PTPRD: variants seen among roughly 807,000 people sequenced by gnomAD.
The protein encoded by PTPRD is receptor-type tyrosine-protein phosphatase delta.
PTPRD carries 34 observed loss-of-function variants against 214.5 expected under a neutral mutation model. That is an observed-to-expected ratio of 0.16 (90% CI 0.12 to 0.21). PTPRD has a LOEUF of 0.21. Ranked by LOEUF, PTPRD falls within the 10% of genes least tolerant of loss-of-function variation. The probability of loss-of-function intolerance (pLI) is 1.00; values close to 1 mark genes in which losing one functional copy is unlikely to be tolerated. For synonymous variants in PTPRD, 1,128 were observed against 845.7 expected (o/e 1.33, Z -5.79); for missense variants, 2,545 against 2,398.7 (o/e 1.06, Z -1.27).
intron 11 of PTPRD, among the ~76,000 whole-genome samples, chr9:8,914,595 T>C (rs1483351202): frequency 6.6e-6 from 1 of 152,146 alleles, no homozygotes; most frequent in Non-Finnish European, 1.5e-5. Context: ...TATAACAGTT[T>C]GAACATATTT....
At chr9:10,073,597 GT>G (rs1219541337) in intron 3 of PTPRD, among the ~76,000 whole-genome samples, 4 of 152,134 alleles carry the variant, frequency 2.6e-5, no homozygotes, top group African/African-American at 9.7e-5. Context: ...AAAGATGGCA[GT>G]TGGAAGATGG....
intron 11 of PTPRD, among the ~76,000 whole-genome samples, chr9:8,780,715 C>A (rs1172135892): frequency 6.6e-6 from 1 of 152,184 alleles, no homozygotes; most frequent in Non-Finnish European, 1.5e-5. Flanking sequence ...TCATGCATGA[C>A]CTTCAAGGCC....
rs569080079 is a variant in PTPRD at position 8,316,260 on chromosome 9, G to C, written c.*1614C>G. 2 of 230,042 alleles carry C rather than the reference G, an allele frequency of 8.7e-6. No individual in the cohort carries two copies. Among genetic ancestry groups the C allele is most frequent in the South Asian group, 1.8e-4 (1 of 5,502 alleles). 14.3% of individuals were successfully genotyped at this position (230,042 alleles called of 1,614,324 possible). On this transcript the variant is annotated 3_prime_UTR_variant, in exon 46 of 46. Transcript: ENST00000381196. ...GTGGTAAACAGATAATGCTTTAATAGAAAGTAACAGATACGAACAGTGAAT... is the reference window on the plus strand; with the variant it reads ...GTGGTAAACAGATAATGCTTTAATACAAAGTAACAGATACGAACAGTGAAT...
intron 2 of PTPRD, among the ~76,000 whole-genome samples, chr9:10,507,464 G>C (rs1785212962): frequency 6.6e-6 from 1 of 151,946 alleles, no homozygotes; most frequent in East Asian, 1.9e-4. Context: ...AGATCATATG[G>C]AACCAAAAAA....
At chr9:9,067,488 A>T (rs2099736600) in intron 10 of PTPRD, among the ~76,000 whole-genome samples, 2 of 152,136 alleles carry the variant, frequency 1.3e-5, no homozygotes, top group Admixed American at 1.3e-4. Flanking sequence ...TGTGAGCTCT[A>T]TTCAAGTGTA....
chr9:8,446,344 T>G (rs1206580538), intron 34 of PTPRD, among the ~76,000 whole-genome samples: 1 of 152,258 alleles, frequency 6.6e-6, no homozygotes, highest in Admixed American at 6.5e-5. Context: ...ACTTAGAATG[T>G]AAATCAATCT....
chr9:9,806,875 G>T (rs1010597614), intron 5 of PTPRD, among the ~76,000 whole-genome samples: 1 of 152,124 alleles, frequency 6.6e-6, no homozygotes, highest in Non-Finnish European at 1.5e-5. Flanking sequence ...GAGCATGCAT[G>T]TAACTTCAGT....
At chr9:8,447,655 C>A (rs76453066) in intron 34 of PTPRD, among the ~76,000 whole-genome samples, 3,096 of 152,214 alleles carry the variant, frequency 0.02, 100 homozygotes, top group African/African-American at 0.071. Flanking sequence ...TGTTTATTCC[C>A]GGAAACATTT....
At chr9:8,812,069 A>G (rs1414290124) in intron 11 of PTPRD, among the ~76,000 whole-genome samples, 2 of 152,202 alleles carry the variant, frequency 1.3e-5, no homozygotes, top group African/African-American at 4.8e-5. Context: ...ATAGCAGAGG[A>G]GCAGGCTGCA....
In PTPRD at chr9:9,222,686, A is replaced by T. The variant is rs116321583; in HGVS notation, c.-202-39323T>A. 7.0e-3 allele frequency among the ~76,000 whole-genome samples: 1,058 copies of T among 152,150 alleles called. 11 individuals carry two copies. The highest frequency in any genetic ancestry group is 0.024 in the African/African-American group (978 of 41,546). On this transcript the variant is annotated intron_variant, in intron 9 of 45. Transcript: ENST00000381196. The stretch of plus-strand genomic sequence containing the variant: ...TTTGCCAATGAGAAACAACAGATAC[A>T]CCCTATTATCAGTCTTCAAACTATT...
At chr9:9,668,130 G>A (rs1318774517) in intron 7 of PTPRD, among the ~76,000 whole-genome samples, 2 of 152,066 alleles carry the variant, frequency 1.3e-5, no homozygotes, top group Admixed American at 6.6e-5. Flanking sequence ...CGTATCATCT[G>A]AATAAGAAGC....
In PTPRD at chr9:9,582,091, A is replaced by G. The variant is rs545273099; in HGVS notation, c.-286-7310T>C. ...CAAAATCTAGCTTGAGAAGTTTTAT[A>G]TAAGTTTGAGTGGGTTTAACACTAT... On this transcript the variant is annotated intron_variant, in intron 7 of 45. Coordinates refer to ENST00000381196, the MANE Select transcript of PTPRD (RefSeq NM_002839.4). 3.9e-5 allele frequency among the ~76,000 whole-genome samples: 6 copies of G among 152,246 alleles called. No homozygotes were observed. In the South Asian group the frequency reaches 1.0e-3, roughly 26 times the overall value.
chr9:10,113,348 AGGCCACTG>A (rs759979200), intron 3 of PTPRD, among the ~76,000 whole-genome samples: 1 of 152,226 alleles, frequency 6.6e-6, no homozygotes, highest in Non-Finnish European at 1.5e-5. Flanking sequence ...TTTCACTCTC[AGGCCACTG>A]GGCTCACAAT....
chr9:9,159,289 G>T, intron 10 of PTPRD, among the ~76,000 whole-genome samples: 1 of 152,186 alleles, frequency 6.6e-6, no homozygotes, highest in East Asian at 1.9e-4. Context: ...AGAAAAAATA[G>T]AGAAATAGCA....
intron 34 of PTPRD, among the ~76,000 whole-genome samples, chr9:8,440,434 G>A (rs934813239): frequency 1.3e-5 from 2 of 151,860 alleles, no homozygotes; most frequent in African/African-American, 4.8e-5. Flanking sequence ...CCCTGCCTCA[G>A]CCTCCTGAGC....
intron 2 of PTPRD, among the ~76,000 whole-genome samples, chr9:10,354,520 C>T (rs1423687275): frequency 3.9e-5 from 6 of 152,120 alleles, no homozygotes; most frequent in Non-Finnish European, 5.9e-5. Context: ...TGATTCCTAC[C>T]TCATCGTAGT....
At chr9:8,999,389 A>G (rs1261118660) in intron 11 of PTPRD, among the ~76,000 whole-genome samples, 3 of 152,226 alleles carry the variant, frequency 2.0e-5, no homozygotes, top group Non-Finnish European at 4.4e-5. Flanking sequence ...CTGCACTAGC[A>G]AAAAGATTAT....
intron 2 of PTPRD, among the ~76,000 whole-genome samples, chr9:10,478,184 T>G (rs2099075470): frequency 6.6e-6 from 1 of 152,078 alleles, no homozygotes; most frequent in Non-Finnish European, 1.5e-5. Context: ...CCACCCGAAT[T>G]CACAGTATGT....
At chr9:9,685,100 A>C (rs1415765185) in intron 7 of PTPRD, among the ~76,000 whole-genome samples, 2 of 151,452 alleles carry the variant, frequency 1.3e-5, no homozygotes, top group Non-Finnish European at 3.0e-5. Context: ...TGAAAGTATA[A>C]ATTTAGGTGT....
Sources: allele counts gnomAD v4.1 joint callset (sites outside exome capture counted in the v4.1 genomes callset), GRCh38; gene constraint gnomAD v4.1.1; transcripts MANE v1.5; gene names NCBI Gene and HGNC (gene_info 2026-07-23, HGNC 2026-07-21).